RPRD2: variants seen among roughly 807,000 people sequenced by gnomAD.
RPRD2 encodes the protein regulation of nuclear pre-mRNA domain containing 2.
In RPRD2, 12 loss-of-function variants were observed where a neutral mutation model predicts 104.4. The observed-to-expected ratio is 0.11, with a 90% CI of 0.07 to 0.19. The LOEUF is 0.19. Ranked by LOEUF, RPRD2 falls within the 10% of genes least tolerant of loss-of-function variation. The pLI, the probability that RPRD2 is intolerant of heterozygous loss-of-function variation, is 1.00. For synonymous variants in RPRD2, 714 were observed against 684.9 expected (o/e 1.04, Z -0.66); for missense variants, 1,543 against 1,790.1 (o/e 0.86, Z 2.49).
intron 1 of RPRD2, among the ~76,000 whole-genome samples, chr1:150,406,840 G>A (rs1454060686): frequency 2.0e-5 from 3 of 152,082 alleles, no homozygotes; most frequent in Non-Finnish European, 2.9e-5. Context: ...TCAACTTCCC[G>A]AGTAGCTGGG....
At position 150,473,065 on chromosome 1, in the gene RPRD2, T is replaced by G. The variant is rs368462364; in HGVS notation, c.4117T>G (p.Ser1373Ala). ...TGTACGAGAGAGCCTCACCCTACCCTCCCATTCTCTGGAACACCTGGGCCC... is the reference window on the plus strand; with the variant it reads ...TGTACGAGAGAGCCTCACCCTACCCGCCCATTCTCTGGAACACCTGGGCCC... Reference protein sequence around the residue: ...SRVRESLTLPSHSLEHLGPPH... With the variant: ...SRVRESLTLPAHSLEHLGPPH... The change falls in exon 11 of 11, where the codon TCC (serine) becomes GCC (alanine). Residue 1373 changes from serine to alanine, a missense_variant. Coordinates refer to ENST00000369068, the MANE Select transcript of RPRD2 (RefSeq NM_015203.5). 1 of 1,613,754 alleles carries G rather than the reference T, an allele frequency of 6.2e-7. No homozygotes were observed. The highest frequency in any genetic ancestry group is 8.5e-7 in the Non-Finnish European group (1 of 1,179,818).
chr1:150,411,515 C>T (rs1354769609), intron 1 of RPRD2, among the ~76,000 whole-genome samples: 2 of 124,158 alleles, frequency 1.6e-5, no homozygotes, highest in African/African-American at 6.8e-5. Flanking sequence ...GTACACTAGG[C>T]GCGGTGGCTC....
intron 2 of RPRD2, among the ~76,000 whole-genome samples, chr1:150,438,543 C>T (rs1416276606): frequency 1.3e-5 from 2 of 151,760 alleles, no homozygotes; most frequent in South Asian, 2.1e-4. Context: ...GCAGGAAAAT[C>T]GTTTGAACCC....
At chr1:150,402,694 C>T (rs1403215828) in intron 1 of RPRD2, among the ~76,000 whole-genome samples, 1 of 144,216 alleles carries the variant, frequency 6.9e-6, no homozygotes, top group African/African-American at 2.6e-5. Context: ...CAGCCGGGCG[C>T]GGTGGCTCAC....
chr1:150,376,643 G>T (rs1395128033), intron 1 of RPRD2, among the ~76,000 whole-genome samples: 1 of 151,758 alleles, frequency 6.6e-6, no homozygotes, highest in Admixed American at 6.6e-5. Flanking sequence ...TGGGACTACA[G>T]GCGCCCGCCA....
At position 150,384,474 on chromosome 1, in the gene RPRD2, T is replaced by C. The variant is rs1050785611; in HGVS notation, c.205+19555T>C. ...TCATTATTATTATTATTATTATTATTATTATTATTATTATTATTAGGGATG... is the reference window on the plus strand; with the variant it reads ...TCATTATTATTATTATTATTATTATCATTATTATTATTATTATTAGGGATG... On this transcript the variant is annotated intron_variant, in intron 1 of 10. Transcript: ENST00000369068. Among the ~76,000 whole-genome samples the C allele has an allele frequency of 6.6e-4, 93 of 141,784 alleles. 3 individuals carry two copies. In the South Asian group the frequency reaches 0.018, roughly 28 times the overall value. 93.0% of individuals were successfully genotyped at this position (141,784 alleles called of 152,430 possible).
chr1:150,395,365 T>TTGTGTGTG (rs10524632), intron 1 of RPRD2, among the ~76,000 whole-genome samples: 26,749 of 143,956 alleles, frequency 0.19, 2,755 homozygotes, highest in Non-Finnish European at 0.24. Context: ...TAGTATTCCA[T>TTGTGTGTG]TGTGTGTGTG....
chr1:150,402,496 A>G (rs944658927), intron 1 of RPRD2, among the ~76,000 whole-genome samples: 1 of 150,054 alleles, frequency 6.7e-6, no homozygotes, highest in Non-Finnish European at 1.5e-5. Context: ...TGGGCAACAT[A>G]GTGAGACCTT....
chr1:150,464,067 G>T (rs185268194), intron 9 of RPRD2, among the ~76,000 whole-genome samples: 1 of 152,108 alleles, frequency 6.6e-6, no homozygotes, highest in African/African-American at 2.4e-5. Context: ...GTCTCACTGT[G>T]TCTCAACTCT....
In RPRD2 at chr1:150,472,121, A is replaced by G. The variant is rs587617757; in HGVS notation, c.3173A>G (p.Glu1058Gly). ...ACCGCCACTGATCAGCAGCAACAAG[A>G]AGAGCACTACCGCATAGAAACCCGC... is the stretch of plus-strand genomic sequence containing the variant. ...SLTATDQQQQ[E>G]EHYRIETRVS... The change falls in exon 11 of 11, where the codon GAA becomes GGA. Residue 1058 changes from glutamate (E) to glycine (G), a missense_variant. Glu to Gly is a moderately conservative substitution (Grantham distance 98). Transcript: ENST00000369068. 1 of 1,613,812 alleles carries G rather than the reference A, an allele frequency of 6.2e-7. No individual in the cohort carries two copies. The highest frequency in any genetic ancestry group is 8.5e-7 in the Non-Finnish European group (1 of 1,179,894).
At chr1:150,432,510 G>A (rs1048053246) in intron 2 of RPRD2, among the ~76,000 whole-genome samples, 4 of 151,742 alleles carry the variant, frequency 2.6e-5, no homozygotes, top group African/African-American at 4.8e-5. Context: ...AAAAATTTTG[G>A]AAATAGTAGT....
At chr1:150,414,625 A>G (rs587708849) in intron 1 of RPRD2, among the ~76,000 whole-genome samples, 17 of 152,080 alleles carry the variant, frequency 1.1e-4, no homozygotes, top group African/African-American at 3.9e-4. Context: ...GTACTGTGAC[A>G]GATTATTCTG....
chr1:150,419,808 T>C (rs1370598894), intron 2 of RPRD2, among the ~76,000 whole-genome samples: 1 of 152,170 alleles, frequency 6.6e-6, no homozygotes, highest in African/African-American at 2.4e-5. Context: ...TTTGTATTTT[T>C]AGTAGAGACG....
intron 6 of RPRD2, among the ~76,000 whole-genome samples, chr1:150,445,992 C>T (rs6703798): frequency 0.22 from 33,247 of 150,762 alleles, 4,162 homozygotes; most frequent in African/African-American, 0.32. Flanking sequence ...GGCGTGAACC[C>T]GGGAAGCGGA....
intron 2 of RPRD2, among the ~76,000 whole-genome samples, chr1:150,424,444 T>C (rs781840709): frequency 2.6e-5 from 4 of 152,008 alleles, no homozygotes; most frequent in Non-Finnish European, 4.4e-5. Flanking sequence ...AGCGCCACCA[T>C]GCCCAGCTAA....
intron 2 of RPRD2, among the ~76,000 whole-genome samples, chr1:150,435,018 A>G (rs1030030271): frequency 4.0e-5 from 6 of 151,860 alleles, no homozygotes; most frequent in Non-Finnish European, 8.8e-5. Context: ...TATTGGTGCT[A>G]TTTTTCCAAC....
intron 1 of RPRD2, among the ~76,000 whole-genome samples, chr1:150,384,028 G>C (rs1661351659): frequency 6.6e-6 from 1 of 152,164 alleles, no homozygotes; most frequent in Admixed American, 6.6e-5. Flanking sequence ...CCAAATTAAA[G>C]TTAAACCTGC....
intron 2 of RPRD2, among the ~76,000 whole-genome samples, chr1:150,434,210 C>T (rs587750641): frequency 6.6e-6 from 1 of 152,014 alleles, no homozygotes; most frequent in South Asian, 2.1e-4. Flanking sequence ...CAAAAATTAG[C>T]TGGGCATGGT....
At chr1:150,394,168 A>G (rs955582569) in intron 1 of RPRD2, among the ~76,000 whole-genome samples, 35 of 151,618 alleles carry the variant, frequency 2.3e-4, no homozygotes, top group African/African-American at 8.2e-4. Context: ...CTCCTGACTC[A>G]GCCTCCTTAG....
Sources: allele counts gnomAD v4.1 joint callset (sites outside exome capture counted in the v4.1 genomes callset), GRCh38; gene constraint gnomAD v4.1.1; transcripts MANE v1.5; gene names NCBI Gene and HGNC (gene_info 2026-07-23, HGNC 2026-07-21).